PCDHGA4: variants seen among roughly 807,000 people sequenced by gnomAD.
PCDHGA4 encodes protocadherin gamma-A4.
In PCDHGA4, 38 loss-of-function variants were observed where a neutral mutation model predicts 54.6. The observed-to-expected ratio is 0.70, with a 90% CI of 0.54 to 0.91. The LOEUF is 0.91. Among genes scored for constraint, PCDHGA4 ranks in the 40% least tolerant of loss-of-function variants. The pLI is 0.00. For missense variants in PCDHGA4, 1,298 were observed against 1,220.9 expected (o/e 1.06, Z -0.94); for synonymous variants, 511 against 512.9 (o/e 1.00, Z 0.05).
rs748189764 is a variant in PCDHGA4 at position 141,404,578 on chromosome 5, T to G, written c.2514+46957T>G. 1.9e-6 allele frequency: 3 copies of G among 1,613,950 alleles called. No homozygotes were observed. The Admixed American group carries it at 5.0e-5, about 27-fold the overall frequency. On this transcript the variant is annotated intron_variant, in intron 1 of 3. Coordinates refer to ENST00000571252, the MANE Select transcript of PCDHGA4 (RefSeq NM_018917.4). ...CAAGTGACAGTGGAAGCCCACCACTTAGCAGCAATGTGTCATTGAGACTGT... is the reference window on the plus strand; with the variant it reads ...CAAGTGACAGTGGAAGCCCACCACTGAGCAGCAATGTGTCATTGAGACTGT...
At chr5:141,410,132 G>T (rs1278988827) in intron 1 of PCDHGA4, 1 of 1,612,754 alleles carries the variant, frequency 6.2e-7, no homozygotes, top group Non-Finnish European at 8.5e-7. Flanking sequence ...GCGCCTGCTG[G>T]TCGCTGTGCG....
chr5:141,406,406 C>T (rs976555739), intron 1 of PCDHGA4, among the ~76,000 whole-genome samples: 18 of 152,174 alleles, frequency 1.2e-4, no homozygotes, highest in Non-Finnish European at 1.8e-4. Context: ...CTTAGAGAAA[C>T]AGCTGAAAGC....
intron 1 of PCDHGA4, chr5:141,419,088 T>G (rs2096325159): frequency 1.2e-6 from 2 of 1,613,940 alleles, no homozygotes; most frequent in Non-Finnish European, 1.7e-6. Flanking sequence ...GATGAGGCCC[T>G]GGATCGGGAG....
intron 1 of PCDHGA4, chr5:141,422,258 A>G (rs2096637047): frequency 6.4e-7 from 1 of 1,565,282 alleles, no homozygotes; most frequent in East Asian, 2.2e-5. Flanking sequence ...GTGAATGATA[A>G]CGCTCCAGAA....
chr5:141,430,661 GCT>G, intron 1 of PCDHGA4: 1 of 1,159,744 alleles, frequency 8.6e-7, no homozygotes, highest in South Asian at 2.1e-5. Flanking sequence ...CAACGGAGGA[GCT>G]CTGACTTCCC....
intron 1 of PCDHGA4, among the ~76,000 whole-genome samples, chr5:141,448,007 AC>A (rs1430481139): frequency 1.3e-5 from 2 of 151,784 alleles, no homozygotes; most frequent in Non-Finnish European, 2.9e-5. Context: ...AATCGCTTGA[AC>A]CCAGGAGGTG....
At chr5:141,409,870 T>A (rs980871481) in intron 1 of PCDHGA4, 2 of 1,612,670 alleles carry the variant, frequency 1.2e-6, no homozygotes, top group Admixed American at 1.7e-5. Context: ...GAGACCGCAA[T>A]GACAACGCAC....
At chr5:141,386,780 A>C (rs1209529195) in intron 1 of PCDHGA4, among the ~76,000 whole-genome samples, 3 of 152,202 alleles carry the variant, frequency 2.0e-5, no homozygotes. Flanking sequence ...TGTAAAAGAA[A>C]ATCTCCTGAC....
At chr5:141,398,425 C>G (rs2093656331) in intron 1 of PCDHGA4, 2 of 1,519,432 alleles carry the variant, frequency 1.3e-6, no homozygotes, top group East Asian at 2.3e-5. Flanking sequence ...CGGGAAGAAG[C>G]CAGCTTGTGC....
chr5:141,364,754 G>C, intron 1 of PCDHGA4: 1 of 1,613,988 alleles, frequency 6.2e-7, no homozygotes, highest in Non-Finnish European at 8.5e-7. Flanking sequence ...AAAAGTAAAA[G>C]TTAATGAAAA....
At chr5:141,420,073 G>A (rs2096463936) in intron 1 of PCDHGA4, 23 of 1,613,964 alleles carry the variant, frequency 1.4e-5, no homozygotes, top group Non-Finnish European at 1.9e-5. Context: ...CCGGACCTGT[G>A]GGTCCCCCCA....
intron 1 of PCDHGA4, chr5:141,383,809 T>A: frequency 6.2e-7 from 1 of 1,613,966 alleles, no homozygotes; most frequent in South Asian, 1.1e-5. Context: ...AATATCAACT[T>A]TAGAAGGATT....
At chr5:141,393,097 T>C in intron 1 of PCDHGA4, 1 of 1,613,608 alleles carries the variant, frequency 6.2e-7, no homozygotes, top group South Asian at 1.1e-5. Context: ...CGGGAGGAGC[T>C]CTGCGCTCAG....
rs1442570663 is a variant in PCDHGA4, at chr5:141,438,613, TATATATATATATATATATATATACACAC to T, written c.2515-56192_2515-56165del. On this transcript the variant is annotated intron_variant, in intron 1 of 3. Transcript: ENST00000571252. Reference sequence around the variant, plus strand: ...ATACATATATATATATATATATATATATATATATATATATATATATATACACACACACACACACATATATGTATATATA... The same window carrying T: ...ATACATATATATATATATATATATATACACACACACATATATGTATATATA... Among the ~76,000 whole-genome samples, 243 of 36,492 alleles carry T rather than the reference TATATATATATATATATATATATACACAC, an allele frequency of 6.7e-3. 7 individuals are homozygous for T. The highest frequency in any genetic ancestry group is 0.033 in the East Asian group (37 of 1,124). The allele number at this position is 36,492 out of a possible 152,430, so 23.9% of individuals were successfully genotyped here.
At chr5:141,358,277 T>C (rs1760874322) in intron 1 of PCDHGA4, among the ~76,000 whole-genome samples, 1 of 152,226 alleles carries the variant, frequency 6.6e-6, no homozygotes, top group Admixed American at 6.5e-5. Flanking sequence ...ACCTGTAAAA[T>C]AGAAGGCAAT....
At chr5:141,445,148 C>A (rs1051995635) in intron 1 of PCDHGA4, among the ~76,000 whole-genome samples, 3 of 152,092 alleles carry the variant, frequency 2.0e-5, no homozygotes, top group Non-Finnish European at 4.4e-5. Context: ...TCTAATTGTT[C>A]ATTTCTAGTT....
chr5:141,508,824 G>A (rs893436748), intron 3 of PCDHGA4, among the ~76,000 whole-genome samples: 9 of 151,952 alleles, frequency 5.9e-5, no homozygotes, highest in Admixed American at 3.3e-4. Flanking sequence ...CCAGATCTGG[G>A]CCCCCCTCCC....
Position 141,432,084 on chromosome 5 carries a change from TG to T in PCDHGA4, c.2515-62721del. 6.2e-7 allele frequency: 1 copy of T among 1,614,186 alleles called. No homozygotes were observed. Among genetic ancestry groups the T allele is most frequent in the Non-Finnish European group, 8.5e-7 (1 of 1,180,034 alleles). ...ACGGAAACTCATATCTCGCTGAACG[TG>T]GCAGACACCAACGACAACCCGCCGG... On this transcript the variant is annotated intron_variant, in intron 1 of 3. Transcript: ENST00000571252. The surrounding 1 kb of genome is among the most constrained non-coding windows in gnomAD (Gnocchi z 6.0).
At position 141,510,839 on chromosome 5, in the gene PCDHGA4, C is replaced by G. The variant is rs186647886; in HGVS notation, c.2663-108C>G. The stretch of plus-strand genomic sequence containing the variant: ...CTATATTCCCAGTGCTCAGCGTGGT[C>G]AAGGCCCAGGGTGCTGTATAGGCAT... On this transcript the variant is annotated intron_variant, in intron 3 of 3. Coordinates refer to ENST00000571252, the MANE Select transcript of PCDHGA4 (RefSeq NM_018917.4). The G allele has an allele frequency of 6.5e-5, 103 of 1,587,108 alleles. No individual in the cohort carries two copies. The East Asian group carries it at 1.6e-3, about 25-fold the overall frequency.
Sources: gnomAD v4.1 joint callset for allele counts (sites outside exome capture counted in the v4.1 genomes callset) on GRCh38, gnomAD v4.1.1 for gene constraint, Gnocchi (gnomAD v3.1) non-coding constraint, MANE v1.5 for transcripts, NCBI Gene and HGNC (gene_info 2026-07-23, HGNC 2026-07-21) for gene names.